Variants in SHROOM2 observed in about 807,000 individuals in gnomAD.
The protein encoded by SHROOM2 is shroom family member 2.
Under a neutral mutation model 75.9 loss-of-function variants are expected in SHROOM2, and 33 were observed. That is an observed-to-expected ratio of 0.43 (90% CI 0.33 to 0.58). The LOEUF (loss-of-function observed/expected upper bound fraction) is 0.58, where lower values mean the gene tolerates loss of function less well. Ranked by LOEUF, SHROOM2 falls within the 20% of genes least tolerant of loss-of-function variation. SHROOM2 has a pLI of 0.04. For missense variants in SHROOM2, 1,434 were observed against 1,461.2 expected (o/e 0.98, Z 0.30); for synonymous variants, 655 against 663.6 (o/e 0.99, Z 0.20).
chrX:9,844,808 T>C (rs1017657596), intron 1 of SHROOM2, among the ~76,000 whole-genome samples: 13 of 110,492 alleles, frequency 1.2e-4, no homozygotes, highest in Non-Finnish European at 2.5e-4. Flanking sequence ...AGAGCGAAAC[T>C]CCATCTTAAA....
At chrX:9,871,010 A>G (rs761575461) in intron 1 of SHROOM2, among the ~76,000 whole-genome samples, 10 of 111,815 alleles carry the variant, frequency 8.9e-5, no homozygotes, top group South Asian at 3.8e-4. Context: ...TGGTCTTTCA[A>G]CAAGGTGGAA....
rs1293012947 is a variant in SHROOM2, at chrX:9,949,062, G to A, written c.*2125G>A. The A allele has an allele frequency of 5.3e-5, 11 of 206,561 alleles. No individual in the cohort carries two copies. Among genetic ancestry groups the A allele is most frequent in the Non-Finnish European group, 1.9e-5 (2 of 107,971 alleles). 17.0% of individuals were successfully genotyped at this position (206,561 alleles called of 1,213,427 possible). A position where few individuals can be genotyped will look rare whatever the true frequency, so the allele number is the denominator to read the frequency against. ...GACTTTCTCTTCTACACAGCAATAC[G>A]TCGTGCTCGAGTATCCTTGTAGCAA... is the stretch of plus-strand genomic sequence containing the variant. On this transcript the variant is annotated 3_prime_UTR_variant, in exon 10 of 10. Coordinates refer to ENST00000380913, the MANE Select transcript of SHROOM2 (RefSeq NM_001649.4).
chrX:9,876,715 G>A (rs151060373), intron 2 of SHROOM2, among the ~76,000 whole-genome samples: 1 of 112,773 alleles, frequency 8.9e-6, no homozygotes, highest in African/African-American at 3.2e-5. Context: ...CCCAAGCCTT[G>A]TTTGACTTGT....
intron 1 of SHROOM2, among the ~76,000 whole-genome samples, chrX:9,859,003 C>T (rs1273830548): frequency 2.7e-5 from 3 of 111,304 alleles, no homozygotes; most frequent in Non-Finnish European, 5.7e-5. Context: ...CACCTGAGGT[C>T]GGGAGTTCAA....
At chrX:9,888,631 A>T (rs1012853414) in intron 2 of SHROOM2, among the ~76,000 whole-genome samples, 10 of 110,839 alleles carry the variant, frequency 9.0e-5, no homozygotes, top group Admixed American at 8.7e-4. Flanking sequence ...TTGTGCTGAG[A>T]TGGGGTCTTG....
chrX:9,868,063 C>G (rs1195658978), intron 1 of SHROOM2, among the ~76,000 whole-genome samples: 1 of 109,910 alleles, frequency 9.1e-6, no homozygotes, highest in Non-Finnish European at 1.9e-5. Flanking sequence ...GAGTCAGACA[C>G]AGAACTGTGT....
intron 1 of SHROOM2, among the ~76,000 whole-genome samples, chrX:9,807,621 G>A (rs1024865892): frequency 1.8e-5 from 2 of 112,399 alleles, no homozygotes; most frequent in African/African-American, 6.5e-5. Context: ...TGCTGGTCTA[G>A]GCCGTAAAAA....
chrX:9,901,950 G>A lies in SHROOM2; in HGVS notation c.2891+3660G>A, dbSNP rs760059183. ...GGTGGATGGACAGATGGGTGGTTGA[G>A]TAGACAGATGGATGGACCAGTCCTC... On this transcript the variant is annotated intron_variant, in intron 5 of 9. Transcript: ENST00000380913. 3.0e-5 allele frequency among the ~76,000 whole-genome samples: 3 copies of A among 99,664 alleles called. No individual in the cohort carries two copies. The South Asian group carries it at 1.8e-3, about 60-fold the overall frequency. The allele number at this position is 99,664 out of a possible 115,157, so 86.5% of individuals were successfully genotyped here.
intron 5 of SHROOM2, among the ~76,000 whole-genome samples, chrX:9,922,233 CT>C (rs1451696246): frequency 9.0e-6 from 1 of 110,808 alleles, no homozygotes; most frequent in East Asian, 2.8e-4. Flanking sequence ...TTTTTAAAAA[CT>C]TTTCTTTCGG....
chrX:9,871,211 A>G (rs1171377822), intron 1 of SHROOM2, among the ~76,000 whole-genome samples: 1 of 112,144 alleles, frequency 8.9e-6, no homozygotes, highest in East Asian at 2.8e-4. Context: ...GGGGCAATAG[A>G]AATAAGCAAA....
intron 1 of SHROOM2, among the ~76,000 whole-genome samples, chrX:9,835,330 C>A (rs772170651): frequency 1.8e-3 from 207 of 112,109 alleles, no homozygotes; most frequent in Non-Finnish European, 2.8e-3. Context: ...CCCTCTCTTC[C>A]CTCCTCCCTG....
At chrX:9,831,364 C>G (rs1025303443) in intron 1 of SHROOM2, among the ~76,000 whole-genome samples, 1 of 112,261 alleles carries the variant, frequency 8.9e-6, no homozygotes, top group Non-Finnish European at 1.9e-5. Flanking sequence ...GTTTCTATAA[C>G]AAAAGACCAT....
intron 6 of SHROOM2, among the ~76,000 whole-genome samples, chrX:9,935,334 AT>A (rs1165640897): frequency 2.1e-5 from 2 of 96,873 alleles, no homozygotes; most frequent in Non-Finnish European, 3.9e-5. Flanking sequence ...TATTATTATT[AT>A]TTATTATTAT....
At chrX:9,806,792 G>A (rs1046663126) in intron 1 of SHROOM2, among the ~76,000 whole-genome samples, 5 of 107,851 alleles carry the variant, frequency 4.6e-5, no homozygotes, top group African/African-American at 1.4e-4. Flanking sequence ...GGCACTATCC[G>A]GGCTCACTGC....
intron 1 of SHROOM2, among the ~76,000 whole-genome samples, chrX:9,815,812 T>C (rs1486990163): frequency 9.0e-6 from 1 of 110,901 alleles, no homozygotes; most frequent in Non-Finnish European, 1.9e-5. Context: ...TTCTGTCTGC[T>C]TAATATTTGC....
intron 1 of SHROOM2, among the ~76,000 whole-genome samples, chrX:9,794,839 C>A (rs141016832): frequency 5.4e-5 from 6 of 111,807 alleles, no homozygotes; most frequent in East Asian, 2.8e-4. Context: ...TCCCTCAAAC[C>A]CTCCCCAGTG....
intron 1 of SHROOM2, among the ~76,000 whole-genome samples, chrX:9,856,263 T>C (rs1368858367): frequency 9.0e-6 from 1 of 110,886 alleles, no homozygotes; most frequent in Non-Finnish European, 1.9e-5. Flanking sequence ...ATAATACCAC[T>C]GATGAGATGA....
intron 4 of SHROOM2, among the ~76,000 whole-genome samples, chrX:9,897,757 G>A (rs1325247837): frequency 9.1e-6 from 1 of 109,472 alleles, no homozygotes; most frequent in Non-Finnish European, 1.9e-5. Context: ...GAAGGCTGCT[G>A]GTTTGCTCTG....
chrX:9,879,538 G>A (rs1478413336), intron 2 of SHROOM2, among the ~76,000 whole-genome samples: 4 of 112,684 alleles, frequency 3.5e-5, no homozygotes, highest in Admixed American at 2.8e-4. Flanking sequence ...TGGGATTACA[G>A]GCGTGAGCCA....
Sources: allele counts gnomAD v4.1 joint callset (sites outside exome capture counted in the v4.1 genomes callset), GRCh38; gene constraint gnomAD v4.1.1; transcripts MANE v1.5; gene names NCBI Gene and HGNC (gene_info 2026-07-23, HGNC 2026-07-21).